PPP1R12B: variants seen among roughly 807,000 people sequenced by gnomAD.
The protein encoded by PPP1R12B is myosin phosphatase target subunit 2.
In PPP1R12B, 76 loss-of-function variants were observed where a neutral mutation model predicts 126.1. The observed-to-expected ratio is 0.60, with a 90% CI of 0.50 to 0.73. PPP1R12B has a LOEUF of 0.73. Ranked by LOEUF, PPP1R12B falls within the 30% of genes least tolerant of loss-of-function variation. The pLI is 0.00. For missense variants in PPP1R12B, 1,052 were observed against 1,205.1 expected (o/e 0.87, Z 1.88); for synonymous variants, 356 against 434.7 (o/e 0.82, Z 2.25).
chr1:202,377,565 A>C (rs1661408029), intron 1 of PPP1R12B, among the ~76,000 whole-genome samples: 1 of 151,882 alleles, frequency 6.6e-6, no homozygotes, highest in African/African-American at 2.4e-5. Context: ...CGGCCTCCCA[A>C]AGTGCTGGGA....
At chr1:202,543,048 A>G (rs1685285017) in intron 18 of PPP1R12B, among the ~76,000 whole-genome samples, 1 of 152,064 alleles carries the variant, frequency 6.6e-6, no homozygotes, top group Non-Finnish European at 1.5e-5. Flanking sequence ...ATGCCCCCAT[A>G]TAAGGAAAAT....
chr1:202,558,386 G>C (rs1352610040), intron 18 of PPP1R12B, among the ~76,000 whole-genome samples: 2 of 151,972 alleles, frequency 1.3e-5, no homozygotes, highest in African/African-American at 4.8e-5. Context: ...AGCAACCTAG[G>C]AGAAACTGAG....
intron 7 of PPP1R12B, among the ~76,000 whole-genome samples, chr1:202,431,092 C>T (rs1480033996): frequency 6.6e-6 from 1 of 152,184 alleles, no homozygotes; most frequent in Non-Finnish European, 1.5e-5. Flanking sequence ...CAACTTTTGC[C>T]TCTACTTACT....
chr1:202,406,459 T>G (rs1388238709), intron 1 of PPP1R12B, among the ~76,000 whole-genome samples: 1 of 152,210 alleles, frequency 6.6e-6, no homozygotes, highest in African/African-American at 2.4e-5. Flanking sequence ...TATACTAAAA[T>G]AAAGCTATTT....
intron 13 of PPP1R12B, among the ~76,000 whole-genome samples, chr1:202,455,137 A>G (rs1482584785): frequency 6.6e-6 from 1 of 152,150 alleles, no homozygotes; most frequent in African/African-American, 2.4e-5. Context: ...ACTAAGAGTA[A>G]AGAATGAGGG....
intron 1 of PPP1R12B, among the ~76,000 whole-genome samples, chr1:202,403,349 AT>A (rs1666128116): frequency 6.6e-6 from 1 of 152,232 alleles, no homozygotes; most frequent in Non-Finnish European, 1.5e-5. Flanking sequence ...CAAACAGTAT[AT>A]TTTTAATTTA....
chr1:202,426,179 CTCTG>C (rs1454262942), intron 4 of PPP1R12B, among the ~76,000 whole-genome samples: 2 of 152,200 alleles, frequency 1.3e-5, no homozygotes, highest in Non-Finnish European at 2.9e-5. Flanking sequence ...GACTCTACTA[CTCTG>C]TCTGTTCCAT....
chr1:202,404,558 G>C (rs988361810), intron 1 of PPP1R12B, among the ~76,000 whole-genome samples: 3 of 152,012 alleles, frequency 2.0e-5, no homozygotes, highest in African/African-American at 7.2e-5. Context: ...CTGGAGTGCA[G>C]TGGCGTGTCT....
chr1:202,404,543 C>T (rs935580387), intron 1 of PPP1R12B, among the ~76,000 whole-genome samples: 2 of 151,834 alleles, frequency 1.3e-5, no homozygotes, highest in African/African-American at 4.8e-5. Context: ...ACTCTATTGC[C>T]CAGGCTGGAG....
chr1:202,363,980 G>A (rs745708749), intron 1 of PPP1R12B, among the ~76,000 whole-genome samples: 2 of 151,976 alleles, frequency 1.3e-5, no homozygotes, highest in Non-Finnish European at 2.9e-5. Flanking sequence ...GGCTGGTCTC[G>A]AACTCCTGTC....
chr1:202,419,311 A>G lies in PPP1R12B; in HGVS notation c.422+2394A>G, dbSNP rs2148625892. Among the ~76,000 whole-genome samples the G allele has an allele frequency of 6.6e-6, 1 of 152,284 alleles. No individual in the cohort carries two copies. Among genetic ancestry groups the G allele is most frequent in the East Asian group, 1.9e-4 (1 of 5,182 alleles). ...TTCTTTCTTCCTCCCTTAGGATAGT[A>G]GCATAAAGACCTTGTATTGGTGTTG... On this transcript the variant is annotated intron_variant, in intron 2 of 23. Coordinates refer to ENST00000608999, the MANE Select transcript of PPP1R12B (RefSeq NM_002481.4). The surrounding 1 kb of genome is among the most constrained non-coding windows in gnomAD (Gnocchi z 4.6).
chr1:202,569,789 C>G (rs1396037164), intron 23 of PPP1R12B, among the ~76,000 whole-genome samples: 2 of 152,230 alleles, frequency 1.3e-5, no homozygotes, highest in African/African-American at 4.8e-5. Context: ...CTTCACAGCT[C>G]ACTACTTTCC....
chr1:202,382,693 A>G (rs1662531969), intron 1 of PPP1R12B, among the ~76,000 whole-genome samples: 1 of 151,798 alleles, frequency 6.6e-6, no homozygotes, highest in South Asian at 2.1e-4. Flanking sequence ...CCTGGGCAAC[A>G]TGGCAAAACC....
At chr1:202,439,546 TG>T in intron 10 of PPP1R12B, 3 of 1,510,622 alleles carry the variant, frequency 2.0e-6, no homozygotes, top group Non-Finnish European at 2.7e-6. Context: ...GCGCTCTCTG[TG>T]GTCACTCCTG....
intron 1 of PPP1R12B, among the ~76,000 whole-genome samples, chr1:202,391,216 AAAT>A (rs1487557905): frequency 6.6e-6 from 1 of 152,220 alleles, no homozygotes; most frequent in Non-Finnish European, 1.5e-5. Flanking sequence ...AAAAATGGAC[AAAT>A]AATCTAAATA....
chr1:202,465,649 G>C (rs764025485), intron 13 of PPP1R12B, among the ~76,000 whole-genome samples: 7 of 152,150 alleles, frequency 4.6e-5, no homozygotes, highest in Non-Finnish European at 1.0e-4. Flanking sequence ...TTTAAAAATG[G>C]AATTGGCTGA....
intron 10 of PPP1R12B, 158 bp downstream of exon 10, chr1:202,438,182 T>C: frequency 6.4e-7 from 1 of 1,558,472 alleles, no homozygotes; most frequent in African/African-American, 1.4e-5. Context: ...TTTATTCAAG[T>C]AGCTATTTGC....
At chr1:202,442,026 T>C (rs967266515) in intron 11 of PPP1R12B, among the ~76,000 whole-genome samples, 2 of 151,896 alleles carry the variant, frequency 1.3e-5, no homozygotes, top group Non-Finnish European at 2.9e-5. Flanking sequence ...TTTTTGTATT[T>C]TTAGTAGAGA....
intron 3 of PPP1R12B, among the ~76,000 whole-genome samples, chr1:202,425,019 A>G (rs188065281): frequency 3.2e-4 from 49 of 152,304 alleles, no homozygotes; most frequent in Admixed American, 2.2e-3. Context: ...TACTCATCCT[A>G]TGGTATAGTG....
Sources: allele counts gnomAD v4.1 joint callset (sites outside exome capture counted in the v4.1 genomes callset), GRCh38; gene constraint gnomAD v4.1.1; non-coding constraint Gnocchi (gnomAD v3.1); transcripts MANE v1.5; gene names NCBI Gene and HGNC (gene_info 2026-07-23, HGNC 2026-07-21).